Variants in ATE1 observed in about 807,000 individuals in gnomAD.
The protein encoded by ATE1 is arginyltransferase 1.
A neutral mutation model predicts 70.5 loss-of-function variants in ATE1; 36 were observed. The ratio of observed to expected loss-of-function variants is 0.51; its 90% CI spans 0.39 to 0.67. ATE1 has a LOEUF of 0.67. ATE1 is among the 30% of genes least tolerant of loss of function. ATE1 has a pLI of 0.00. For missense variants in ATE1, 593 were observed against 629.5 expected (o/e 0.94, Z 0.62); for synonymous variants, 232 against 219.3 (o/e 1.06, Z -0.51).
At chr10:121,833,963 C>T (rs760419046) in intron 10 of ATE1, among the ~76,000 whole-genome samples, 1 of 152,098 alleles carries the variant, frequency 6.6e-6, no homozygotes. Flanking sequence ...AGTTCAATTA[C>T]TTAAAATCTC....
chr10:121,864,742 AT>A lies in ATE1; in HGVS notation c.975+5263del, dbSNP rs201289415. Among the ~76,000 whole-genome samples, 549 of 150,746 alleles carry A rather than the reference AT, an allele frequency of 3.6e-3. 3 individuals carry two copies. Among genetic ancestry groups the A allele is most frequent in the African/African-American group, 0.011 (466 of 41,098 alleles). On this transcript the variant is annotated intron_variant, in intron 8 of 11. Transcript: ENST00000224652. ...TGGCTTATTAACGATACCTCTTTGT[AT>A]TTTTTTTTAAGGCTTTTTTAGGGAT...
At chr10:121,920,996 T>TAA (rs200052425) in intron 3 of ATE1, among the ~76,000 whole-genome samples, 17 of 142,244 alleles carry the variant, frequency 1.2e-4, no homozygotes, top group African/African-American at 7.8e-5. Flanking sequence ...TCCGTCTCTT[T>TAA]AAAAAAAAAA....
intron 7 of ATE1, among the ~76,000 whole-genome samples, chr10:121,898,070 G>C (rs948321963): frequency 6.6e-6 from 1 of 151,858 alleles, no homozygotes; most frequent in African/African-American, 2.4e-5. Context: ...TAATTCTTCT[G>C]CATCTGTTGG....
chr10:121,767,707 C>A, intron 11 of ATE1, among the ~76,000 whole-genome samples: 1 of 152,130 alleles, frequency 6.6e-6, no homozygotes, highest in East Asian at 1.9e-4. Flanking sequence ...GTACATCAAA[C>A]CCACAACTCT....
chr10:121,778,920 G>A (rs1019271274), intron 11 of ATE1, among the ~76,000 whole-genome samples: 2 of 152,030 alleles, frequency 1.3e-5, no homozygotes, highest in African/African-American at 4.8e-5. Context: ...GCCAGCTTTT[G>A]CTAAAAAACG....
intron 7 of ATE1, among the ~76,000 whole-genome samples, chr10:121,890,511 T>C (rs1285145144): frequency 6.6e-6 from 1 of 152,190 alleles, no homozygotes; most frequent in Non-Finnish European, 1.5e-5. Context: ...GTATAATCAG[T>C]AAACCATTCT....
chr10:121,836,740 G>A lies in ATE1; in HGVS notation c.1235C>T (p.Ser412Leu), dbSNP rs767594848. ...TACCTTATATTTCATCTTGGGACATGAATGAATGTAGAAACCCATATAATA... is the reference window on the plus strand; with the variant it reads ...TACCTTATATTTCATCTTGGGACATAAATGAATGTAGAAACCCATATAATA... ...SYYYMGFYIH[S>L]CPKMKYKGQY... The change falls in exon 10 of 12, where the codon TCA becomes TTA. Residue 412 changes from serine (S) to leucine (L), a missense_variant. Ser to Leu is a moderately radical substitution (Grantham distance 145). Around this residue, in one of 3 missense-constraint regions of ATE1, gnomAD observed 36 missense variants for 66.3 expected, o/e 0.54. Coordinates refer to ENST00000224652, the MANE Select transcript of ATE1 (RefSeq NM_001001976.3). 49 of 1,580,042 alleles carry A rather than the reference G, an allele frequency of 3.1e-5. No homozygotes were observed. The highest frequency in any genetic ancestry group is 1.7e-4 in the Middle Eastern group (1 of 5,732).
At chr10:121,854,642 G>C (rs1209065429) in intron 8 of ATE1, among the ~76,000 whole-genome samples, 1 of 152,016 alleles carries the variant, frequency 6.6e-6, no homozygotes, top group Admixed American at 6.6e-5. Flanking sequence ...ATTCACTCGT[G>C]ACCCATATAT....
chr10:121,763,046 C>A (rs1283357810), intron 11 of ATE1, among the ~76,000 whole-genome samples: 1 of 152,174 alleles, frequency 6.6e-6, no homozygotes, highest in African/African-American at 2.4e-5. Flanking sequence ...TACAATTTGC[C>A]TTTTAGAGGC....
intron 7 of ATE1, among the ~76,000 whole-genome samples, chr10:121,880,965 CAT>C (rs1367634400): frequency 2.6e-5 from 4 of 152,216 alleles, no homozygotes; most frequent in Admixed American, 2.0e-4. Flanking sequence ...GTTTCTATCA[CAT>C]GAGCTTTGCA....
At chr10:121,861,638 T>C (rs1247342734) in intron 8 of ATE1, among the ~76,000 whole-genome samples, 2 of 148,056 alleles carry the variant, frequency 1.4e-5, no homozygotes, top group Admixed American at 6.8e-5. Flanking sequence ...TTGGGAGATA[T>C]ACCTAATGCT....
At chr10:121,923,011 G>A (rs1292004599) in intron 2 of ATE1, among the ~76,000 whole-genome samples, 1 of 152,008 alleles carries the variant, frequency 6.6e-6, no homozygotes, top group Non-Finnish European at 1.5e-5. Flanking sequence ...TGCCACTAAG[G>A]TGACAGTCCT....
At chr10:121,873,850 C>G (rs1309513579) in intron 7 of ATE1, among the ~76,000 whole-genome samples, 1 of 152,090 alleles carries the variant, frequency 6.6e-6, no homozygotes, top group African/African-American at 2.4e-5. Context: ...AGGAAACACT[C>G]AACACCAAAA....
At chr10:121,768,520 T>C (rs769647297) in intron 11 of ATE1, among the ~76,000 whole-genome samples, 1 of 151,998 alleles carries the variant, frequency 6.6e-6, no homozygotes, top group Non-Finnish European at 1.5e-5. Context: ...GCTCCAATAA[T>C]TGAATTTTCC....
At chr10:121,845,963 A>G (rs934355389) in intron 8 of ATE1, among the ~76,000 whole-genome samples, 3 of 152,044 alleles carry the variant, frequency 2.0e-5, no homozygotes, top group African/African-American at 7.2e-5. Flanking sequence ...AAGAAACACC[A>G]CCCCAGGAGC....
intron 11 of ATE1, among the ~76,000 whole-genome samples, chr10:121,760,286 T>C (rs146797383): frequency 3.9e-5 from 6 of 152,364 alleles, no homozygotes; most frequent in African/African-American, 1.4e-4. Flanking sequence ...CATAAGGCTA[T>C]AGCTACCATA....
intron 10 of ATE1, among the ~76,000 whole-genome samples, chr10:121,825,204 AAAGT>A (rs1174146603): frequency 6.6e-6 from 1 of 152,134 alleles, no homozygotes; most frequent in Non-Finnish European, 1.5e-5. Flanking sequence ...TATGGGAAAT[AAAGT>A]AAGGTTAATA....
chr10:121,886,827 G>A (rs1950414669), intron 7 of ATE1, among the ~76,000 whole-genome samples: 1 of 152,130 alleles, frequency 6.6e-6, no homozygotes, highest in Non-Finnish European at 1.5e-5. Context: ...GACATTAAGT[G>A]AGAACTTACT....
chr10:121,756,744 AC>A (rs1944818585), intron 11 of ATE1, among the ~76,000 whole-genome samples: 1 of 152,146 alleles, frequency 6.6e-6, no homozygotes, highest in Admixed American at 6.5e-5. Context: ...GAGATGCAGG[AC>A]ACCAAGTCCC....
Sources: gnomAD v4.1 joint callset for allele counts (sites outside exome capture counted in the v4.1 genomes callset) on GRCh38, gnomAD v4.1.1 for gene constraint, gnomAD v4.1.1 regional missense constraint, MANE v1.5 for transcripts, NCBI Gene and HGNC (gene_info 2026-07-23, HGNC 2026-07-21) for gene names.